The following ADAM18 variants were observed in gnomAD, a reference collection of about 807,000 sequenced individuals.
The protein encoded by ADAM18 is ADAM metallopeptidase domain 18, also known as disintegrin and metalloproteinase domain-containing protein 18.
ADAM18 carries 117 observed loss-of-function variants against 94.4 expected under a neutral mutation model. The observed-to-expected ratio is 1.24, with a 90% CI of 1.07 to 1.45. The LOEUF (loss-of-function observed/expected upper bound fraction) is 1.45, where lower values mean the gene tolerates loss of function less well. Ranked by LOEUF, ADAM18 falls within the 40% of genes most tolerant of loss-of-function variation. The pLI, the probability that ADAM18 is intolerant of heterozygous loss-of-function variation, is 0.00. For synonymous variants in ADAM18, 327 were observed against 291.6 expected, an observed-to-expected ratio of 1.12 and a Z score of -1.24; for missense variants, 936 against 880.0, an observed-to-expected ratio of 1.06 and a Z score of -0.81.
In ADAM18 at chr8:39,653,387, TG is replaced by T. The variant is rs1261155391; in HGVS notation, c.1230+4861del. ...ATACAGATATTAAAAAATGGTAAGA[TG>T]ATATCATGTACATTATATAAGTAAA... On this transcript the variant is annotated intron_variant, in intron 12 of 19. Transcript: ENST00000265707. 1.6e-4 allele frequency among the ~76,000 whole-genome samples: 25 copies of T among 152,288 alleles called. No homozygotes were observed. In the South Asian group the frequency reaches 1.7e-3, roughly 10 times the overall value.
At chr8:39,590,276 T>C (rs1236927798) in intron 2 of ADAM18, among the ~76,000 whole-genome samples, 1 of 152,110 alleles carries the variant, frequency 6.6e-6, no homozygotes, top group East Asian at 1.9e-4. Context: ...TGAGTTCATG[T>C]CCTTTGTGGG....
intron 18 of ADAM18, among the ~76,000 whole-genome samples, chr8:39,722,832 TTA>T (rs993193184): frequency 1.7e-4 from 26 of 151,454 alleles, no homozygotes; most frequent in African/African-American, 6.3e-4. Context: ...AGTTGGGGAG[TTA>T]TGTTTCCTAG....
intron 13 of ADAM18, among the ~76,000 whole-genome samples, chr8:39,665,170 T>G (rs772172056): frequency 5.9e-5 from 9 of 152,194 alleles, no homozygotes; most frequent in Non-Finnish European, 1.0e-4. Flanking sequence ...TGCAAAATTA[T>G]CACATAAATT....
chr8:39,585,171 A>T, intron 1 of ADAM18, 105 bp from the exon 2 acceptor site: 1 of 783,894 alleles, frequency 1.3e-6, no homozygotes, highest in Non-Finnish European at 2.1e-6. Flanking sequence ...ACTTCTACTT[A>T]AAATTTTAGG....
Position 39,609,044 on chromosome 8 carries a change from C to A in ADAM18, c.191C>A (p.Ser64Ter), listed in dbSNP as rs753905073. The A allele has an allele frequency of 5.2e-6, 8 of 1,544,502 alleles. No individual in the cohort carries two copies. The highest frequency in any genetic ancestry group is 1.2e-5 in the South Asian group (1 of 81,688). ...QPYTLHLGKQ[S>*]FLPQNFLVYT... The stretch of plus-strand genomic sequence containing the variant: ...TTTATTATTTCTTGGTTTTTTAGAT[C>A]ATTCTTACCCCAGAACTTTTTGGTT... The change falls in exon 4 of 20, where the codon TCA becomes TAA. Residue 64 changes from serine to a stop codon, truncating the protein, a stop_gained and splice_region_variant. Transcript: ENST00000265707. LOFTEE classifies it high-confidence loss of function.
chr8:39,587,304 T>A (rs1181636709), intron 2 of ADAM18, among the ~76,000 whole-genome samples: 2 of 152,248 alleles, frequency 1.3e-5, no homozygotes, highest in African/African-American at 2.4e-5. Flanking sequence ...ATAGGTACTA[T>A]GTTATACAGC....
intron 18 of ADAM18, among the ~76,000 whole-genome samples, chr8:39,710,969 G>A (rs895221619): frequency 6.6e-6 from 1 of 152,192 alleles, no homozygotes; most frequent in Non-Finnish European, 1.5e-5. Context: ...TAGGCTCAGC[G>A]AAAGTCTGGC....
chr8:39,614,567 C>T (rs1350266040), intron 6 of ADAM18, among the ~76,000 whole-genome samples: 1 of 152,162 alleles, frequency 6.6e-6, no homozygotes, highest in African/African-American at 2.4e-5. Context: ...ATCAAATCTT[C>T]TTAACAGCCA....
chr8:39,684,690 G>T (rs868764704), intron 16 of ADAM18, among the ~76,000 whole-genome samples: 1 of 152,140 alleles, frequency 6.6e-6, no homozygotes, highest in Non-Finnish European at 1.5e-5. Context: ...ACTGGGCATT[G>T]CCCTAGTATG....
chr8:39,683,958 G>A (rs924893769), intron 16 of ADAM18, among the ~76,000 whole-genome samples: 47 of 152,070 alleles, frequency 3.1e-4, no homozygotes, highest in African/African-American at 1.1e-3. Context: ...GAAACATAGC[G>A]AGAACTTGTC....
intron 2 of ADAM18, among the ~76,000 whole-genome samples, chr8:39,604,410 A>G (rs1391598425): frequency 6.6e-6 from 1 of 152,192 alleles, no homozygotes; most frequent in Non-Finnish European, 1.5e-5. Context: ...TTATTCACAC[A>G]TGATACAGTT....
intron 17 of ADAM18, among the ~76,000 whole-genome samples, chr8:39,698,778 A>G (rs1821990919): frequency 6.6e-6 from 1 of 152,028 alleles, no homozygotes; most frequent in Non-Finnish European, 1.5e-5. Flanking sequence ...AGCTATGTAA[A>G]TACAAGTTCA....
chr8:39,663,358 G>A (rs2129580068), intron 12 of ADAM18, among the ~76,000 whole-genome samples: 1 of 149,282 alleles, frequency 6.7e-6, no homozygotes, highest in Middle Eastern at 3.5e-3. Context: ...TGAGGCTGAG[G>A]CAGGAGGATC....
At chr8:39,649,490 C>T (rs765551017) in intron 12 of ADAM18, among the ~76,000 whole-genome samples, 3 of 152,056 alleles carry the variant, frequency 2.0e-5, no homozygotes, top group Non-Finnish European at 4.4e-5. Context: ...AATATGGTAT[C>T]ATTTACTGCC....
chr8:39,624,795 C>A (rs1819716215), intron 6 of ADAM18, among the ~76,000 whole-genome samples: 3 of 152,108 alleles, frequency 2.0e-5, no homozygotes, highest in Admixed American at 6.5e-5. Context: ...GTGTGTAGCA[C>A]CTCCCCTGCT....
chr8:39,725,922 C>A (rs112320113), intron 19 of ADAM18, among the ~76,000 whole-genome samples: 64 of 152,114 alleles, frequency 4.2e-4, no homozygotes, highest in African/African-American at 1.3e-3. Context: ...TATGAAGAAC[C>A]GTCATACTGT....
intron 16 of ADAM18, among the ~76,000 whole-genome samples, chr8:39,687,895 A>G (rs1821651188): frequency 1.3e-5 from 2 of 152,064 alleles, no homozygotes; most frequent in Non-Finnish European, 2.9e-5. Context: ...TCATTGATTC[A>G]TGTCTTTGCT....
At chr8:39,599,952 C>T (rs1448821959) in intron 2 of ADAM18, among the ~76,000 whole-genome samples, 1 of 151,722 alleles carries the variant, frequency 6.6e-6, no homozygotes, top group African/African-American at 2.4e-5. Context: ...CCTCCAGTAC[C>T]ATATTCAATA....
chr8:39,630,623 A>C (rs547370419), intron 7 of ADAM18, among the ~76,000 whole-genome samples: 3 of 152,028 alleles, frequency 2.0e-5, no homozygotes, highest in Non-Finnish European at 4.4e-5. Flanking sequence ...GTTGCCCATA[A>C]CAGTAGTTTA....
Sources: gnomAD v4.1 joint callset for allele counts (sites outside exome capture counted in the v4.1 genomes callset) on GRCh38, gnomAD v4.1.1 for gene constraint, MANE v1.5 for transcripts, NCBI Gene and HGNC (gene_info 2026-07-23, HGNC 2026-07-21) for gene names.